Variants in DPP10 observed in about 807,000 individuals in gnomAD.
The protein encoded by DPP10 is inactive dipeptidyl peptidase 10.
DPP10 carries 33 observed loss-of-function variants against 120.9 expected under a neutral mutation model. The observed-to-expected ratio is 0.27, with a 90% CI of 0.21 to 0.37. DPP10 has a LOEUF of 0.37. Ranked by LOEUF, DPP10 falls within the 10% of genes least tolerant of loss-of-function variation. The pLI, the probability that DPP10 is intolerant of heterozygous loss-of-function variation, is 1.00. For missense variants in DPP10, 816 were observed against 942.8 expected, an observed-to-expected ratio of 0.87 and a Z score of 1.76; for synonymous variants, 337 against 326.1, an observed-to-expected ratio of 1.03 and a Z score of -0.36.
intron 1 of DPP10, among the ~76,000 whole-genome samples, chr2:114,666,025 A>G (rs1294176139): frequency 1.3e-5 from 2 of 152,218 alleles, no homozygotes; most frequent in African/African-American, 4.8e-5. Flanking sequence ...GGATGGAGAC[A>G]CACCAAGTAC....
chr2:115,278,320 G>C (rs1419253040), intron 1 of DPP10, among the ~76,000 whole-genome samples: 1 of 152,110 alleles, frequency 6.6e-6, no homozygotes, highest in Non-Finnish European at 1.5e-5. Flanking sequence ...CTGTCCTTCT[G>C]TGCTTTTTCT....
intron 1 of DPP10, among the ~76,000 whole-genome samples, chr2:115,055,480 G>A (rs546281687): frequency 1.6e-4 from 25 of 152,232 alleles, no homozygotes; most frequent in Non-Finnish European, 2.6e-4. Flanking sequence ...AACGACAGGC[G>A]AAGAACCACT....
chr2:115,360,590 A>G (rs1245756485), intron 3 of DPP10, among the ~76,000 whole-genome samples: 1 of 151,864 alleles, frequency 6.6e-6, no homozygotes, highest in African/African-American at 2.4e-5. Context: ...AGTTGGGGGG[A>G]ATCAGGGGAT....
At chr2:115,426,625 C>T (rs1342071854) in intron 3 of DPP10, among the ~76,000 whole-genome samples, 1 of 150,748 alleles carries the variant, frequency 6.6e-6, no homozygotes, top group Non-Finnish European at 1.5e-5. Context: ...GAGATTCTCA[C>T]CAGGTGCCAC....
intron 3 of DPP10, among the ~76,000 whole-genome samples, chr2:115,431,320 G>A (rs1442548128): frequency 2.6e-5 from 4 of 152,154 alleles, no homozygotes; most frequent in Non-Finnish European, 4.4e-5. Context: ...TGAGTAACAA[G>A]GAGTAGACGA....
intron 1 of DPP10, among the ~76,000 whole-genome samples, chr2:115,063,249 G>C (rs141456522): frequency 1.3e-5 from 2 of 151,924 alleles, no homozygotes; most frequent in Non-Finnish European, 2.9e-5. Flanking sequence ...TTTTTTCCTC[G>C]TAAATTTGTT....
chr2:115,364,410 C>T (rs1376235993), intron 3 of DPP10, among the ~76,000 whole-genome samples: 1 of 152,056 alleles, frequency 6.6e-6, no homozygotes, highest in Admixed American at 6.6e-5. Context: ...CCAAGACTTG[C>T]CATACCAAGT....
intron 1 of DPP10, among the ~76,000 whole-genome samples, chr2:115,084,140 G>T (rs903083298): frequency 3.3e-5 from 5 of 152,056 alleles, no homozygotes; most frequent in African/African-American, 1.2e-4. Flanking sequence ...TCACAATTTT[G>T]AGGTTTTCTG....
At chr2:115,743,262 T>C (rs7560302) in intron 9 of DPP10, among the ~76,000 whole-genome samples, 147,398 of 152,192 alleles carry the variant, frequency 0.97, 71,575 homozygotes, top group East Asian at 1. Context: ...TACAAATCTG[T>C]GATTAGAGAA....
At chr2:115,789,609 G>C (rs2149903906) in intron 17 of DPP10, among the ~76,000 whole-genome samples, 1 of 152,242 alleles carries the variant, frequency 6.6e-6, no homozygotes, top group East Asian at 1.9e-4. Flanking sequence ...TGTGGTAGAG[G>C]ACTTAGCCAG....
intron 5 of DPP10, among the ~76,000 whole-genome samples, chr2:115,605,347 C>T (rs1462501194): frequency 6.6e-6 from 1 of 151,954 alleles, no homozygotes; most frequent in African/African-American, 2.4e-5. Context: ...ACAAAAAGAT[C>T]AAAATTTTAA....
chr2:114,488,208 TGA>T (rs1162824013), intron 1 of DPP10, among the ~76,000 whole-genome samples: 2 of 152,216 alleles, frequency 1.3e-5, no homozygotes, highest in Non-Finnish European at 2.9e-5. Flanking sequence ...TGCCCCTGGC[TGA>T]GTTACTCTGG....
Position 114,467,278 on chromosome 2 carries a change from C to G in DPP10, c.60+24440C>G, listed in dbSNP as rs75859647. Among the ~76,000 whole-genome samples, 96 of 152,248 alleles carry G rather than the reference C, an allele frequency of 6.3e-4. 4 individuals carry two copies. The East Asian group carries it at 0.018, about 28-fold the overall frequency. On this transcript the variant is annotated intron_variant, in intron 1 of 25. Transcript: ENST00000410059. ...TGCTTAGAGAGGTCAGCAAGTAAAT[C>G]AATGTACTAGACTGGGTAGAGCGTG...
At chr2:114,497,151 A>G (rs1007188336) in intron 1 of DPP10, among the ~76,000 whole-genome samples, 2 of 143,520 alleles carry the variant, frequency 1.4e-5, no homozygotes, top group Admixed American at 1.3e-4. Flanking sequence ...ACACGTGTAT[A>G]CATGTAGGTG....
At chr2:114,901,421 C>T (rs911066469) in intron 1 of DPP10, among the ~76,000 whole-genome samples, 2 of 152,134 alleles carry the variant, frequency 1.3e-5, no homozygotes, top group African/African-American at 4.8e-5. Flanking sequence ...TGGTCTCGAT[C>T]TCCTGACCTC....
chr2:115,537,836 ATCTGAAGGCCTGGCTGAGC>A (rs1558817258), intron 5 of DPP10, among the ~76,000 whole-genome samples: 1 of 151,974 alleles, frequency 6.6e-6, no homozygotes, highest in Non-Finnish European at 1.5e-5. Flanking sequence ...GGCTGCAGTC[ATCTGAAGGCCTGGCTGAGC>A]TGGGAGCTAT....
chr2:115,487,087 GACAA>G (rs1362250099), intron 3 of DPP10, among the ~76,000 whole-genome samples: 1 of 151,932 alleles, frequency 6.6e-6, no homozygotes, highest in African/African-American at 2.4e-5. Flanking sequence ...TAAAACAACA[GACAA>G]ACAGAGAGCC....
At chr2:115,242,215 C>T (rs779390635) in intron 1 of DPP10, among the ~76,000 whole-genome samples, 39 of 152,286 alleles carry the variant, frequency 2.6e-4, no homozygotes, top group Middle Eastern at 3.4e-3. Flanking sequence ...TTTGCATCCT[C>T]ATAGTTGAGT....
At chr2:114,998,957 A>T (rs2104985489) in intron 1 of DPP10, among the ~76,000 whole-genome samples, 1 of 152,306 alleles carries the variant, frequency 6.6e-6, no homozygotes. Flanking sequence ...GACTGAACAC[A>T]CTTAGATGAC....
Sources: allele counts gnomAD v4.1 joint callset (sites outside exome capture counted in the v4.1 genomes callset), GRCh38; gene constraint gnomAD v4.1.1; transcripts MANE v1.5; gene names NCBI Gene and HGNC (gene_info 2026-07-23, HGNC 2026-07-21).